SLC10A6: variants seen among roughly 807,000 people sequenced by gnomAD.
SLC10A6 encodes the protein solute carrier family 10 member 6.
In SLC10A6, 27 loss-of-function variants were observed where a neutral mutation model predicts 30.0. The ratio of observed to expected loss-of-function variants is 0.90; its 90% confidence interval spans 0.66 to 1.24. The LOEUF is 1.24. Among genes scored for constraint, SLC10A6 ranks in the 50% most tolerant of loss-of-function variants. The pLI, the probability that SLC10A6 is intolerant of heterozygous loss-of-function variation, is 0.00. For missense variants in SLC10A6, 439 were observed against 457.0 expected, an observed-to-expected ratio of 0.96 and a Z score of 0.36; for synonymous variants, 166 against 173.8, an observed-to-expected ratio of 0.95 and a Z score of 0.36.
intron 1 of SLC10A6, chr4:86,837,690 CATTAGTAAA>C: frequency 1.1e-6 from 1 of 902,320 alleles, no homozygotes; most frequent in Non-Finnish European, 1.3e-6. Flanking sequence ...TGAAAGAATG[CATTAGTAAA>C]ATTAGGGGAA....
intron 3 of SLC10A6, 64 bp downstream of exon 3, chr4:86,831,728 T>A: frequency 2.2e-6 from 3 of 1,348,390 alleles, no homozygotes; most frequent in Non-Finnish European, 3.2e-6. Context: ...CAGCCACTGC[T>A]CACTTCTGTC....
Position 86,831,896 on chromosome 4 carries a change from A to G in SLC10A6, c.497-16T>C, listed in dbSNP as rs1746087623. 1 of 1,605,288 alleles carries G rather than the reference A, an allele frequency of 6.2e-7. No homozygotes were observed. The highest frequency in any genetic ancestry group is 1.7e-5 in the Admixed American group (1 of 59,766). Reference sequence around the variant, plus strand: ...AGGGTAATTCCTAAAGAGAAGAAAAATCCATGAGAGGGTTTTCCCTCTCAC... The same window carrying G: ...AGGGTAATTCCTAAAGAGAAGAAAAGTCCATGAGAGGGTTTTCCCTCTCAC... On this transcript the variant is annotated splice_polypyrimidine_tract_variant and intron_variant, in intron 2 of 5. Transcript: ENST00000273905.
In SLC10A6 at chr4:86,825,470, G is replaced by A. The variant is rs1445545797; in HGVS notation, c.869C>T (p.Pro290Leu). The change falls in exon 5 of 6, where the codon CCA becomes CTA. Residue 290 changes from proline (P) to leucine (L), a missense_variant. Coordinates refer to ENST00000273905, the MANE Select transcript of SLC10A6 (RefSeq NM_197965.3). ...CAGCTGGAAGAGTCCATAGGCCAGT[G>A]GGAAACTCAACATCTGGACCAAGTG... ...AEHLVQMLSF[P>L]LAYGLFQLID... The A allele has an allele frequency of 1.2e-6, 2 of 1,612,296 alleles. No individual in the cohort carries two copies. The highest frequency in any genetic ancestry group is 2.2e-5 in the South Asian group (2 of 90,920).
intron 5 of SLC10A6, among the ~76,000 whole-genome samples, chr4:86,825,107 T>C (rs1745956487): frequency 6.6e-6 from 1 of 152,226 alleles, no homozygotes; most frequent in Non-Finnish European, 1.5e-5. Context: ...ACTTTGGAGC[T>C]CAATGATTGC....
At position 86,842,786 on chromosome 4, in the gene SLC10A6, T is replaced by TTTTCTTTCTTTCTTTCTTTCTTTCTTTC. The variant is rs757772118; in HGVS notation, c.377+5925_377+5952dup. Among the ~76,000 whole-genome samples, 169 of 106,684 alleles carry TTTTCTTTCTTTCTTTCTTTCTTTCTTTC rather than the reference T, an allele frequency of 1.6e-3. 5 individuals carry two copies. The highest frequency in any genetic ancestry group is 3.6e-3 in the South Asian group (10 of 2,802). 70.0% of individuals were successfully genotyped at this position (106,684 alleles called of 152,430 possible). A position where few individuals can be genotyped will look rare whatever the true frequency, so the allele number is the denominator to read the frequency against. On this transcript the variant is annotated intron_variant, in intron 1 of 5. Transcript: ENST00000273905. ...AGTTGCATCAATAAATGGACACCTC[T>TTTTCTTTCTTTCTTTCTTTCTTTCTTTC]TTTCTTTCTTTCTTTCTTTCTTTCT...
chr4:86,832,107 A>G (rs1746091009), intron 2 of SLC10A6, among the ~76,000 whole-genome samples: 1 of 152,244 alleles, frequency 6.6e-6, no homozygotes, highest in African/African-American at 2.4e-5. Flanking sequence ...AAAGCAGAAT[A>G]TATTAAATAA....
At chr4:86,841,313 G>A (rs1746284815) in intron 1 of SLC10A6, among the ~76,000 whole-genome samples, 1 of 152,216 alleles carries the variant, frequency 6.6e-6, no homozygotes, top group African/African-American at 2.4e-5. Context: ...TATTGGTCAA[G>A]GATGGCAAGA....
intron 5 of SLC10A6, 34 bp from the exon 6 acceptor site, chr4:86,823,936 C>T (rs768601329): frequency 2.6e-6 from 4 of 1,548,640 alleles, no homozygotes; most frequent in East Asian, 4.5e-5. Flanking sequence ...TTAACAATCA[C>T]TTTAACAAAG....
At chr4:86,827,425 G>A (rs1156370873) in intron 4 of SLC10A6, among the ~76,000 whole-genome samples, 1 of 152,148 alleles carries the variant, frequency 6.6e-6, no homozygotes, top group Non-Finnish European at 1.5e-5. Context: ...GCTTTACCGG[G>A]CGCTTAGTAC....
In SLC10A6 at chr4:86,848,762, C is replaced by T. The variant is rs1302449390; in HGVS notation, c.354G>A (p.Trp118Ter). 6.2e-7 allele frequency: 1 copy of T among 1,600,092 alleles called. No homozygotes were observed. The highest frequency in any genetic ancestry group is 1.3e-5 in the African/African-American group (1 of 74,772). The change falls in exon 1 of 6, where the codon TGG becomes TGA. Residue 118 changes from tryptophan to a stop codon, truncating the protein, a stop_gained. Coordinates refer to ENST00000273905, the MANE Select transcript of SLC10A6 (RefSeq NM_197965.3). LOFTEE classifies it high-confidence loss of function. ...GGTISNIFTF[W>*]VDGDMDLSIS... ...ACCTGAGATCCATATCTCCATCAAC[C>T]CAGAAGGTGAAAATGTTAGAGATGG...
chr4:86,831,269 T>C (rs1471311876), intron 3 of SLC10A6, among the ~76,000 whole-genome samples: 1 of 152,262 alleles, frequency 6.6e-6, no homozygotes, highest in East Asian at 1.9e-4. Flanking sequence ...GACTCCTCAG[T>C]GCTTCCTGGA....
chr4:86,842,983 T>G (rs1258772907), intron 1 of SLC10A6, among the ~76,000 whole-genome samples: 1 of 151,632 alleles, frequency 6.6e-6, no homozygotes, highest in African/African-American at 2.4e-5. Context: ...GCATTTCTCC[T>G]GCCTCAGTCT....
chr4:86,843,320 T>C (rs1184254897), intron 1 of SLC10A6, among the ~76,000 whole-genome samples: 3 of 152,080 alleles, frequency 2.0e-5, no homozygotes, highest in East Asian at 1.9e-4. Flanking sequence ...CTTACAGATA[T>C]AGTAGGTGAG....
intron 1 of SLC10A6, among the ~76,000 whole-genome samples, chr4:86,842,713 AAAAGAAAAG>A (rs1746311240): frequency 7.9e-5 from 7 of 89,070 alleles, no homozygotes; most frequent in Middle Eastern, 5.0e-3. Flanking sequence ...AAAAAAAAAG[AAAAGAAAAG>A]AAAAGAAAAG....
chr4:86,845,093 C>T (rs1746370501), intron 1 of SLC10A6, among the ~76,000 whole-genome samples: 1 of 152,184 alleles, frequency 6.6e-6, no homozygotes, highest in Non-Finnish European at 1.5e-5. Flanking sequence ...GACCAGTCTA[C>T]ATTTAACCAA....
At chr4:86,833,527 T>C in intron 1 of SLC10A6, 103 bp from the exon 2 acceptor site, 4 of 772,306 alleles carry the variant, frequency 5.2e-6, no homozygotes, top group South Asian at 3.5e-5. Context: ...AGAGATTACA[T>C]GGACTAAGCT....
chr4:86,840,516 T>C (rs1746273335), intron 1 of SLC10A6, among the ~76,000 whole-genome samples: 1 of 152,190 alleles, frequency 6.6e-6, no homozygotes, highest in African/African-American at 2.4e-5. Context: ...AAATATTGTC[T>C]TCTACTTTTT....
At position 86,823,709 on chromosome 4, in the gene SLC10A6, G is replaced by T; in HGVS notation, c.1113C>A (p.Gly371=). 1 of 1,610,904 alleles carries T rather than the reference G, an allele frequency of 6.2e-7. No homozygotes were observed. The highest frequency in any genetic ancestry group is 8.5e-7 in the Non-Finnish European group (1 of 1,178,654). ...MDCHRALEPV[G]HITSCE is the part of the protein sequence containing the mutation. The stretch of plus-strand genomic sequence containing the variant: ...CCTGCTATTCACATGAAGTGATGTG[G>T]CCAACTGGCTCGAGAGCCCTGTGGC... Residue 371 remains glycine, a synonymous_variant, in exon 6 of 6, where the codon GGC becomes GGA. Transcript: ENST00000273905.
intron 1 of SLC10A6, among the ~76,000 whole-genome samples, chr4:86,839,847 C>T (rs187549817): frequency 9.9e-4 from 151 of 152,058 alleles, no homozygotes; most frequent in Non-Finnish European, 1.9e-3. Context: ...TGTGATCAGT[C>T]CCTTCTAATT....
Sources: gnomAD v4.1 joint callset for allele counts (sites outside exome capture counted in the v4.1 genomes callset) on GRCh38, gnomAD v4.1.1 for gene constraint, MANE v1.5 for transcripts, NCBI Gene and HGNC (gene_info 2026-07-23, HGNC 2026-07-21) for gene names.